The following PPP2R5A variants were observed in gnomAD, a reference collection of about 807,000 sequenced individuals.
PPP2R5A encodes protein phosphatase 2 regulatory subunit B'alpha.
PPP2R5A carries 25 observed loss-of-function variants against 64.2 expected under a neutral mutation model. That is an observed-to-expected ratio of 0.39 (90% confidence interval 0.28 to 0.54). The LOEUF (loss-of-function observed/expected upper bound fraction) is 0.54. Ranked by LOEUF, PPP2R5A falls within the 20% of genes least tolerant of loss-of-function variation. The pLI is 0.67. For synonymous variants in PPP2R5A, 198 were observed against 201.2 expected, an observed-to-expected ratio of 0.98 and a Z score of 0.13; for missense variants, 425 against 576.3, an observed-to-expected ratio of 0.74 and a Z score of 2.69.
At chr1:212,292,599 G>A (rs1191930414) in intron 1 of PPP2R5A, among the ~76,000 whole-genome samples, 1 of 152,056 alleles carries the variant, frequency 6.6e-6, no homozygotes, top group Non-Finnish European at 1.5e-5. Context: ...TTGAGACAGG[G>A]TCTTGCTCTA....
At chr1:212,310,827 G>A (rs544049456) in intron 1 of PPP2R5A, among the ~76,000 whole-genome samples, 2 of 152,272 alleles carry the variant, frequency 1.3e-5, no homozygotes, top group Admixed American at 1.3e-4. Flanking sequence ...GCAACAATAA[G>A]TTGCTGTGGA....
rs142017618 is a variant in PPP2R5A, at chr1:212,346,129, G to A, written c.704+196G>A. ...CAATCTTCCTCTCTCAGCCTGCCAA[G>A]TAGTGAGACTACAGGTGTGCACCAC... On this transcript the variant is annotated intron_variant, in intron 5 of 12. Transcript: ENST00000261461. Among the ~76,000 whole-genome samples, 19 of 152,038 alleles carry A rather than the reference G, an allele frequency of 1.2e-4. No homozygotes were observed. In the East Asian group the frequency reaches 3.7e-3, roughly 29 times the overall value.
intron 1 of PPP2R5A, among the ~76,000 whole-genome samples, chr1:212,301,441 A>T (rs922240641): frequency 6.6e-6 from 1 of 152,238 alleles, no homozygotes; most frequent in African/African-American, 2.4e-5. Flanking sequence ...TTTTCTTAAA[A>T]TAATACATAC....
intron 1 of PPP2R5A, chr1:212,302,236 C>T: frequency 1.3e-6 from 1 of 764,072 alleles, no homozygotes; most frequent in Non-Finnish European, 2.0e-6. Context: ...AATTATCTTA[C>T]TGTATTGTAT....
intron 8 of PPP2R5A, chr1:212,352,895 A>G (rs1279365422): frequency 3.9e-6 from 2 of 519,062 alleles, no homozygotes; most frequent in Non-Finnish European, 7.7e-6. Flanking sequence ...GTTTTCCTTG[A>G]TGGTCATAGT....
intron 1 of PPP2R5A, among the ~76,000 whole-genome samples, chr1:212,293,429 A>G (rs193052298): frequency 3.3e-4 from 50 of 152,340 alleles, no homozygotes; most frequent in African/African-American, 1.1e-3. Context: ...TTTGAAATAT[A>G]TAATACTTTT....
chr1:212,302,680 C>T (rs1658819201), intron 1 of PPP2R5A, among the ~76,000 whole-genome samples: 2 of 152,158 alleles, frequency 1.3e-5, no homozygotes, highest in South Asian at 2.1e-4. Context: ...GTGCAACTAC[C>T]ACAGTCAATT....
intron 3 of PPP2R5A, among the ~76,000 whole-genome samples, chr1:212,339,080 T>C (rs1350001133): frequency 6.6e-6 from 1 of 152,242 alleles, no homozygotes; most frequent in Admixed American, 6.5e-5. Flanking sequence ...ATAAATTTTA[T>C]AGAAGCATAA....
intron 3 of PPP2R5A, among the ~76,000 whole-genome samples, chr1:212,340,501 T>G (rs1170737063): frequency 6.6e-6 from 1 of 152,250 alleles, no homozygotes; most frequent in Non-Finnish European, 1.5e-5. Context: ...TCCATGAGAC[T>G]GTGCTGACTT....
chr1:212,350,522 CA>C (rs1659856522), intron 8 of PPP2R5A, among the ~76,000 whole-genome samples: 1 of 151,642 alleles, frequency 6.6e-6, no homozygotes, highest in East Asian at 2.0e-4. Context: ...GGCATGGTGG[CA>C]CAGGCCTGTG....
At chr1:212,320,523 C>A (rs559249717) in intron 1 of PPP2R5A, among the ~76,000 whole-genome samples, 1 of 151,438 alleles carries the variant, frequency 6.6e-6, no homozygotes, top group Non-Finnish European at 1.5e-5. Context: ...TAGGGGCGGC[C>A]GGGCAGAGGC....
chr1:212,316,417 A>G (rs1375653330), intron 1 of PPP2R5A, among the ~76,000 whole-genome samples: 1 of 152,302 alleles, frequency 6.6e-6, no homozygotes, highest in East Asian at 1.9e-4. Context: ...GCCAAAGCCT[A>G]ATCCAGAACA....
chr1:212,320,260 G>A (rs1370702974), intron 1 of PPP2R5A, among the ~76,000 whole-genome samples: 1 of 152,062 alleles, frequency 6.6e-6, no homozygotes, highest in Non-Finnish European at 1.5e-5. Context: ...ACAGGGTTGG[G>A]GGTAAGGTCA....
rs374601587 is a variant in PPP2R5A at position 212,350,587 on chromosome 1, T to A, written c.927+1345T>A. On this transcript the variant is annotated intron_variant, in intron 8 of 12. Coordinates refer to ENST00000261461, the MANE Select transcript of PPP2R5A (RefSeq NM_006243.4). ...AAGAATTGCTTGAATCCAGGAGGCG[T>A]AGGTTGCAGTGATCTGAGCTCATAC... is the stretch of plus-strand genomic sequence containing the variant. 4.0e-5 allele frequency among the ~76,000 whole-genome samples: 6 copies of A among 150,862 alleles called. No individual in the cohort carries two copies. In the South Asian group the frequency reaches 8.4e-4, roughly 21 times the overall value.
At chr1:212,300,885 A>G (rs960261625) in intron 1 of PPP2R5A, among the ~76,000 whole-genome samples, 22 of 152,112 alleles carry the variant, frequency 1.4e-4, no homozygotes, top group Non-Finnish European at 2.9e-4. Context: ...AAAAATATAT[A>G]TAATATTTTA....
rs139852470 is a variant in PPP2R5A at position 212,327,803 on chromosome 1, G to T, written c.182-1332G>T. 9.0e-4 allele frequency among the ~76,000 whole-genome samples: 136 copies of T among 151,662 alleles called. 1 individual carries two copies. Among genetic ancestry groups the T allele is most frequent in the Admixed American group, 7.8e-3 (118 of 15,208 alleles). Reference sequence around the variant, plus strand: ...AGAGAGAGAAAGACAGAGATAATTAGATAAGTAAAACTTGGTTTCTGCATT... The same window carrying T: ...AGAGAGAGAAAGACAGAGATAATTATATAAGTAAAACTTGGTTTCTGCATT... On this transcript the variant is annotated intron_variant, in intron 1 of 12. Coordinates refer to ENST00000261461, the MANE Select transcript of PPP2R5A (RefSeq NM_006243.4).
At chr1:212,352,886 T>TTCAC in intron 8 of PPP2R5A, 1 of 519,214 alleles carries the variant, frequency 1.9e-6, no homozygotes, top group Non-Finnish European at 3.8e-6. Context: ...AGAGTGACAG[T>TTCAC]TTTCCTTGAT....
chr1:212,288,821 G>T (rs1658550700), intron 1 of PPP2R5A, among the ~76,000 whole-genome samples: 1 of 151,990 alleles, frequency 6.6e-6, no homozygotes, highest in Admixed American at 6.6e-5. Context: ...GAGTGATTCA[G>T]ATATCCATGG....
In PPP2R5A at chr1:212,329,309, C is replaced by A; in HGVS notation, c.356C>A (p.Ala119Glu). Residue 119 changes from alanine to glutamate, a missense_variant, in exon 2 of 13, where the codon GCG (alanine) becomes GAG (glutamate). Ala to Glu is a moderately radical substitution (Grantham distance 107). Around this residue, in one of 4 missense-constraint regions of PPP2R5A, gnomAD observed 140 missense variants for 204.4 expected, o/e 0.68. Coordinates refer to ENST00000261461, the MANE Select transcript of PPP2R5A (RefSeq NM_006243.4). Reference protein sequence around the residue: ...STNRGVIVESAYSDIVKMISA... With the variant: ...STNRGVIVESEYSDIVKMISA... The stretch of plus-strand genomic sequence containing the variant: ...AATCGTGGTGTAATTGTTGAATCAG[C>A]GTATTCTGATATAGTAAAAATGGTA... 6.2e-7 allele frequency: 1 copy of A among 1,600,366 alleles called. No individual in the cohort carries two copies. Among genetic ancestry groups the A allele is most frequent in the Non-Finnish European group, 8.5e-7 (1 of 1,175,042 alleles).
Sources: allele counts gnomAD v4.1 joint callset (sites outside exome capture counted in the v4.1 genomes callset), GRCh38; gene constraint gnomAD v4.1.1; regional missense constraint gnomAD v4.1.1; transcripts MANE v1.5; gene names NCBI Gene and HGNC (gene_info 2026-07-23, HGNC 2026-07-21).